Variants in TTC29 observed in about 807,000 individuals in gnomAD.
TTC29 encodes the protein tetratricopeptide repeat protein 29.
A neutral mutation model predicts 58.1 loss-of-function variants in TTC29; 49 were observed. That is an observed-to-expected ratio of 0.84 (90% CI 0.67 to 1.07). The LOEUF (loss-of-function observed/expected upper bound fraction) is 1.07, where lower values mean the gene tolerates loss of function less well. TTC29 is among the 50% of genes least tolerant of loss of function. TTC29 has a pLI of 0.00. For synonymous variants in TTC29, 209 were observed against 196.8 expected (o/e 1.06, Z -0.52); for missense variants, 582 against 555.6 (o/e 1.05, Z -0.48).
intron 6 of TTC29, among the ~76,000 whole-genome samples, chr4:146,891,503 T>C (rs1223429417): frequency 6.6e-6 from 1 of 152,178 alleles, no homozygotes; most frequent in Non-Finnish European, 1.5e-5. Flanking sequence ...TCTAAGTCAA[T>C]GCAGACAAAC....
intron 11 of TTC29, among the ~76,000 whole-genome samples, chr4:146,749,769 G>C (rs191774441): frequency 6.6e-6 from 1 of 152,280 alleles, no homozygotes; most frequent in African/African-American, 2.4e-5. Context: ...AAGTCACAGA[G>C]AGAGAATTTT....
chr4:146,945,572 G>A lies in TTC29; in HGVS notation c.-54+137C>T, dbSNP rs142343289. ...TTATTGAGGTAAGTGGCGAGGGCCTGGACTGAGGAAGCTTGAGAAAGACTG... is the reference window on the plus strand; with the variant it reads ...TTATTGAGGTAAGTGGCGAGGGCCTAGACTGAGGAAGCTTGAGAAAGACTG... On this transcript the variant is annotated intron_variant, in intron 1 of 12. Coordinates refer to ENST00000325106, the MANE Select transcript of TTC29 (RefSeq NM_031956.4). 6.2e-3 allele frequency: 945 copies of A among 152,868 alleles called. 5 individuals are homozygous for A. Among genetic ancestry groups the A allele is most frequent in the African/African-American group, 0.022 (914 of 41,576 alleles). The allele number at this position is 152,868 out of a possible 1,614,324, so 9.5% of individuals were successfully genotyped here.
intron 11 of TTC29, among the ~76,000 whole-genome samples, chr4:146,728,426 T>C (rs1013507119): frequency 2.0e-5 from 3 of 152,106 alleles, no homozygotes; most frequent in Non-Finnish European, 2.9e-5. Context: ...ATAAGGCTTT[T>C]AAAATTTGCT....
chr4:146,740,329 G>A (rs973662012), intron 11 of TTC29, among the ~76,000 whole-genome samples: 1 of 152,148 alleles, frequency 6.6e-6, no homozygotes, highest in Non-Finnish European at 1.5e-5. Context: ...TTTTATTGTA[G>A]CTCAAGGGTA....
At chr4:146,779,543 C>G (rs1748409925) in intron 11 of TTC29, among the ~76,000 whole-genome samples, 1 of 152,086 alleles carries the variant, frequency 6.6e-6, no homozygotes, top group African/African-American at 2.4e-5. Flanking sequence ...TAACATCTAT[C>G]TCATTAATTA....
intron 9 of TTC29, among the ~76,000 whole-genome samples, chr4:146,825,712 TC>T (rs1727745405): frequency 6.6e-6 from 1 of 152,172 alleles, no homozygotes; most frequent in South Asian, 2.1e-4. Context: ...TGTTAAAGTC[TC>T]CCACAATTAT....
chr4:146,846,826 T>C (rs1433078737), intron 8 of TTC29, among the ~76,000 whole-genome samples: 1 of 152,212 alleles, frequency 6.6e-6, no homozygotes, highest in Non-Finnish European at 1.5e-5. Flanking sequence ...CAGGATTCAA[T>C]AAAATTTCAT....
chr4:146,777,579 C>T (rs1420454518), intron 11 of TTC29, among the ~76,000 whole-genome samples: 1 of 152,082 alleles, frequency 6.6e-6, no homozygotes, highest in African/African-American at 2.4e-5. Flanking sequence ...ATTCATGTAC[C>T]TATACTTTGC....
chr4:146,887,364 T>C (rs950089310), intron 6 of TTC29, among the ~76,000 whole-genome samples: 2 of 152,188 alleles, frequency 1.3e-5, no homozygotes, highest in Non-Finnish European at 2.9e-5. Flanking sequence ...ATGTAGCTTG[T>C]AGATACATCT....
intron 11 of TTC29, among the ~76,000 whole-genome samples, chr4:146,794,109 A>T (rs1386360474): frequency 6.6e-6 from 1 of 152,164 alleles, no homozygotes; most frequent in Non-Finnish European, 1.5e-5. Flanking sequence ...AATTACTAAA[A>T]AAATACTATA....
At chr4:146,873,650 C>A (rs12506652) in intron 7 of TTC29, among the ~76,000 whole-genome samples, 18,910 of 152,186 alleles carry the variant, frequency 0.12, 1,461 homozygotes, top group East Asian at 0.2. Flanking sequence ...AGAGCTAACT[C>A]TGTGTTTACC....
At chr4:146,751,871 T>G (rs1025943143) in intron 11 of TTC29, among the ~76,000 whole-genome samples, 2 of 151,348 alleles carry the variant, frequency 1.3e-5, no homozygotes, top group Non-Finnish European at 2.9e-5. Flanking sequence ...AATAGAAAAA[T>G]CATAAAATGA....
chr4:146,913,221 T>G (rs1734009651), intron 4 of TTC29, among the ~76,000 whole-genome samples: 1 of 152,022 alleles, frequency 6.6e-6, no homozygotes, highest in African/African-American at 2.4e-5. Flanking sequence ...GGGGCCAAAA[T>G]GAAGAAAATT....
chr4:146,729,272 C>G (rs926251449), intron 11 of TTC29, among the ~76,000 whole-genome samples: 1 of 152,038 alleles, frequency 6.6e-6, no homozygotes, highest in Non-Finnish European at 1.5e-5. Context: ...TTTTCATTTA[C>G]GTTTCTCCTA....
intron 8 of TTC29, among the ~76,000 whole-genome samples, chr4:146,842,141 C>G (rs1457371240): frequency 3.9e-5 from 6 of 151,982 alleles, no homozygotes. Flanking sequence ...CATAGCCTTC[C>G]CCATAGCAAA....
At chr4:146,916,942 T>C (rs1734261442) in intron 4 of TTC29, among the ~76,000 whole-genome samples, 1 of 151,330 alleles carries the variant, frequency 6.6e-6, no homozygotes, top group Non-Finnish European at 1.5e-5. Flanking sequence ...CAATTCTTAT[T>C]TTTGGAAAAA....
intron 11 of TTC29, among the ~76,000 whole-genome samples, chr4:146,796,287 T>G (rs1749829203): frequency 6.6e-6 from 1 of 151,818 alleles, no homozygotes; most frequent in Non-Finnish European, 1.5e-5. Context: ...TAAATTCAAT[T>G]AGAGTAAAAT....
chr4:146,740,973 C>T (rs756544195), intron 11 of TTC29, among the ~76,000 whole-genome samples: 1 of 152,148 alleles, frequency 6.6e-6, no homozygotes, highest in African/African-American at 2.4e-5. Flanking sequence ...CCTCCTAAGT[C>T]AGCCTCCCTA....
At chr4:146,737,601 G>A (rs1053866883) in intron 11 of TTC29, among the ~76,000 whole-genome samples, 2 of 147,854 alleles carry the variant, frequency 1.4e-5, no homozygotes, top group East Asian at 2.0e-4. Flanking sequence ...GGGGGGGGGG[G>A]GGCTACAAAC....
Sources: allele counts gnomAD v4.1 joint callset (sites outside exome capture counted in the v4.1 genomes callset), GRCh38; gene constraint gnomAD v4.1.1; transcripts MANE v1.5; gene names NCBI Gene and HGNC (gene_info 2026-07-23, HGNC 2026-07-21).